Variants in C10orf67 observed in about 807,000 individuals in gnomAD.
The protein encoded by C10orf67 is uncharacterized protein C10orf67, mitochondrial.
Under a neutral mutation model 35.6 loss-of-function variants are expected in C10orf67, and 60 were observed. The ratio of observed to expected loss-of-function variants is 1.68; its 90% CI spans 1.37 to 2.09. The LOEUF is 2.09. C10orf67 is among the 30% of genes most tolerant of loss of function. The pLI is 0.00. For missense variants in C10orf67, 474 were observed against 330.2 expected, an observed-to-expected ratio of 1.44 and a Z score of -3.38; for synonymous variants, 167 against 115.8, an observed-to-expected ratio of 1.44 and a Z score of -2.84.
chr10:23,271,922 G>C (rs1223677442), intron 8 of C10orf67, among the ~76,000 whole-genome samples: 1 of 151,952 alleles, frequency 6.6e-6, no homozygotes, highest in South Asian at 2.1e-4. Context: ...GTTGTTGTTT[G>C]AGACAATGTC....
chr10:23,278,127 CTCCAACATTGGAGCTTACA>C (rs1843250295), intron 8 of C10orf67, among the ~76,000 whole-genome samples: 1 of 152,228 alleles, frequency 6.6e-6, no homozygotes, highest in Non-Finnish European at 1.5e-5. Context: ...GAGGCCCCCA[CTCCAACATTGGAGCTTACA>C]TTTCTATATG....
chr10:23,288,956 C>T (rs553196286), intron 7 of C10orf67, among the ~76,000 whole-genome samples: 57 of 152,224 alleles, frequency 3.7e-4, no homozygotes, highest in African/African-American at 1.0e-3. Flanking sequence ...GACCAGATAG[C>T]GCAGTTTCCA....
chr10:23,271,791 T>C (rs1843032488), intron 8 of C10orf67, among the ~76,000 whole-genome samples: 1 of 152,262 alleles, frequency 6.6e-6, no homozygotes. Context: ...TATTACATTG[T>C]AAGAGTTCTT....
intron 10 of C10orf67, 43 bp downstream of exon 10, chr10:23,266,219 C>A: frequency 2.5e-6 from 1 of 398,216 alleles, no homozygotes; most frequent in South Asian, 1.3e-4. Flanking sequence ...AGTCCCTGTG[C>A]AGAGGAAGGT....
At chr10:23,293,934 T>C (rs528367493) in intron 5 of C10orf67, among the ~76,000 whole-genome samples, 6 of 152,374 alleles carry the variant, frequency 3.9e-5, no homozygotes, top group African/African-American at 1.4e-4. Flanking sequence ...CCAGAGCTAC[T>C]GTGTCAGAGT....
rs1843155045 is a variant in C10orf67, at chr10:23,275,271, G to A, written c.975+6742C>T. On this transcript the variant is annotated intron_variant, in intron 8 of 15. Coordinates refer to ENST00000636213, the MANE Select transcript of C10orf67 (RefSeq NM_001371909.1). The stretch of plus-strand genomic sequence containing the variant: ...AGGCTGAGGTGGGAGGATTGCTTGA[G>A]CACAGGAGTTCGAGATCAGCTTATG... 2.6e-5 allele frequency among the ~76,000 whole-genome samples: 4 copies of A among 152,140 alleles called. No individual in the cohort carries two copies. In the South Asian group the frequency reaches 8.3e-4, roughly 32 times the overall value.
At chr10:23,304,627 C>T (rs969764759) in intron 4 of C10orf67, among the ~76,000 whole-genome samples, 10 of 152,104 alleles carry the variant, frequency 6.6e-5, no homozygotes, top group Non-Finnish European at 1.5e-5. Context: ...TGTCTGCAGA[C>T]CCCAGTCTCA....
At chr10:23,289,253 TTC>T (rs1843641326) in intron 7 of C10orf67, among the ~76,000 whole-genome samples, 1 of 152,144 alleles carries the variant, frequency 6.6e-6, no homozygotes, top group South Asian at 2.1e-4. Context: ...AGCCCCGAAC[TTC>T]TGAGCTTAAA....
At chr10:23,224,129 G>C (rs1841664725) in intron 13 of C10orf67, among the ~76,000 whole-genome samples, 1 of 152,116 alleles carries the variant, frequency 6.6e-6, no homozygotes, top group Non-Finnish European at 1.5e-5. Flanking sequence ...ACCAAAATTA[G>C]CCAGGGGCAG....
At chr10:23,307,794 T>C in intron 4 of C10orf67, among the ~76,000 whole-genome samples, 1 of 151,962 alleles carries the variant, frequency 6.6e-6, no homozygotes, top group Non-Finnish European at 1.5e-5. Context: ...TATGTGTAAT[T>C]TTTTTGCAGA....
At chr10:23,331,803 G>T (rs1156491950) in intron 2 of C10orf67, among the ~76,000 whole-genome samples, 1 of 152,082 alleles carries the variant, frequency 6.6e-6, no homozygotes, top group Non-Finnish European at 1.5e-5. Context: ...CTCAAAGAAG[G>T]TTCCTCAGAG....
intron 13 of C10orf67, among the ~76,000 whole-genome samples, chr10:23,234,754 C>T (rs997623845): frequency 2.6e-5 from 4 of 151,354 alleles, no homozygotes; most frequent in Non-Finnish European, 4.4e-5. Context: ...GTGGCTCACG[C>T]CTGTAATCCC....
intron 15 of C10orf67, among the ~76,000 whole-genome samples, chr10:23,215,369 C>T (rs1185609990): frequency 6.6e-6 from 1 of 151,772 alleles, no homozygotes; most frequent in Non-Finnish European, 1.5e-5. Flanking sequence ...TCTTGGCTCA[C>T]TGCAACCTCT....
intron 3 of C10orf67, among the ~76,000 whole-genome samples, chr10:23,321,305 C>T (rs896394363): frequency 3.2e-4 from 49 of 152,184 alleles, no homozygotes; most frequent in African/African-American, 1.2e-3. Flanking sequence ...ACCCATGATT[C>T]TCATATCAAT....
chr10:23,252,963 C>G (rs1842499040), intron 10 of C10orf67, among the ~76,000 whole-genome samples: 2 of 151,768 alleles, frequency 1.3e-5, no homozygotes, highest in Non-Finnish European at 2.9e-5. Context: ...ATGTTGTTCT[C>G]AAGATAGCGA....
At position 23,274,992 on chromosome 10, in the gene C10orf67, G is replaced by A. The variant is rs544377999; in HGVS notation, c.975+7021C>T. ...GCAGCTTCAGCCGGTCCCTCTGTTC[G>A]GGGTCCCTGACTTGCTGCAACACAC... On this transcript the variant is annotated intron_variant, in intron 8 of 15. Transcript: ENST00000636213. Among the ~76,000 whole-genome samples the A allele has an allele frequency of 9.1e-4, 138 of 151,922 alleles. 1 individual carries two copies. Among genetic ancestry groups the A allele is most frequent in the African/African-American group, 3.3e-3 (135 of 41,290 alleles).
At position 23,216,517 on chromosome 10, in the gene C10orf67, T is replaced by C. The variant is rs192556398; in HGVS notation, c.1570+7081A>G. On this transcript the variant is annotated intron_variant, in intron 15 of 15. Transcript: ENST00000636213. Reference sequence around the variant, plus strand: ...GTATTTAGTAAACCTCTCACACATATACACTATGAGAAATAGCAGCTATTT... The same window carrying C: ...GTATTTAGTAAACCTCTCACACATACACACTATGAGAAATAGCAGCTATTT... 3.0e-3 allele frequency among the ~76,000 whole-genome samples: 459 copies of C among 152,206 alleles called. 4 individuals carry two copies. Among genetic ancestry groups the C allele is most frequent in the African/African-American group, 0.011 (437 of 41,530 alleles).
rs143646432 is a variant in C10orf67 at position 23,248,069 on chromosome 10, A to G, written c.1346+2386T>C. Among the ~76,000 whole-genome samples the G allele has an allele frequency of 3.4e-3, 515 of 152,324 alleles. 6 individuals are homozygous for G. The highest frequency in any genetic ancestry group is 0.012 in the African/African-American group (483 of 41,566). On this transcript the variant is annotated intron_variant, in intron 12 of 15. Transcript: ENST00000636213. Reference sequence around the variant, plus strand: ...TCTAGTGCTGAGTGAGGGCAGGAGAAGGGATGTGTGCATGGACCTCTTCCA... The same window carrying G: ...TCTAGTGCTGAGTGAGGGCAGGAGAGGGGATGTGTGCATGGACCTCTTCCA...
chr10:23,239,687 A>T, intron 13 of C10orf67, 42 bp downstream of exon 13: 1 of 618,536 alleles, frequency 1.6e-6, no homozygotes, highest in Non-Finnish European at 3.2e-6. Flanking sequence ...AGACAGGTAT[A>T]TTCAAAGAGA....
Sources: allele counts gnomAD v4.1 joint callset (sites outside exome capture counted in the v4.1 genomes callset), GRCh38; gene constraint gnomAD v4.1.1; transcripts MANE v1.5; gene names NCBI Gene and HGNC (gene_info 2026-07-23, HGNC 2026-07-21).